Variants in FRMD6 observed in about 807,000 individuals in gnomAD.
FRMD6 encodes FERM domain containing 6, also known as FERM domain-containing protein 6.
Under a neutral mutation model 73.2 loss-of-function variants are expected in FRMD6, and 37 were observed. The observed-to-expected ratio is 0.51, with a 90% CI of 0.39 to 0.66. The LOEUF is 0.66. FRMD6 is among the 30% of genes least tolerant of loss of function. The pLI is 0.00. For missense variants in FRMD6, 714 were observed against 780.5 expected (o/e 0.91, Z 1.02); for synonymous variants, 273 against 282.2 (o/e 0.97, Z 0.33).
At chr14:51,541,035 C>T (rs1238427899) in intron 1 of FRMD6, among the ~76,000 whole-genome samples, 2 of 152,074 alleles carry the variant, frequency 1.3e-5, no homozygotes, top group African/African-American at 2.4e-5. Flanking sequence ...ATTAAAAGAA[C>T]AAAATTACAA....
At position 51,552,442 on chromosome 14, in the gene FRMD6, A is replaced by G. The variant is rs545088534; in HGVS notation, c.-209-17906A>G. ...GCCTTTGAATTCCCTGCCAGTAGGC[A>G]CAAACCCTGATGCCCCTAGGGGCTG... is the stretch of plus-strand genomic sequence containing the variant. On this transcript the variant is annotated intron_variant, in intron 1 of 14. Coordinates refer to the FRMD6 transcript ENST00000356218. 7.2e-5 allele frequency among the ~76,000 whole-genome samples: 11 copies of G among 152,362 alleles called. No homozygotes were observed. In the East Asian group the frequency reaches 1.9e-3, roughly 27 times the overall value.
In FRMD6 at chr14:51,535,139, C is replaced by G. The variant is rs183063344; in HGVS notation, c.-209-35209C>G. ...TGATTGAAATCAGGGAAACTCAGTACTCTCATGGCTTCCAGGGTCCTCAAA... is the reference window on the plus strand; with the variant it reads ...TGATTGAAATCAGGGAAACTCAGTAGTCTCATGGCTTCCAGGGTCCTCAAA... On this transcript the variant is annotated intron_variant, in intron 1 of 14. Transcript: ENST00000356218. Among the ~76,000 whole-genome samples the G allele has an allele frequency of 7.2e-5, 11 of 152,266 alleles. 1 individual carries two copies. The highest frequency in any genetic ancestry group is 6.8e-3 in the Middle Eastern group (2 of 294).
chr14:51,584,203 T>C (rs1023702488), intron 2 of FRMD6: 3 of 152,210 alleles, frequency 2.0e-5, no homozygotes, highest in African/African-American at 7.2e-5. Context: ...ACTCTTCTGA[T>C]TCATCATTTA....
At chr14:51,516,897 C>T (rs1022679455) in intron 1 of FRMD6, among the ~76,000 whole-genome samples, 38 of 152,124 alleles carry the variant, frequency 2.5e-4, no homozygotes, top group African/African-American at 8.4e-4. Context: ...CAGTTCCTTG[C>T]CTCTTTTAAT....
intron 2 of FRMD6, chr14:51,576,307 T>C (rs529454380): frequency 6.6e-6 from 1 of 152,300 alleles, no homozygotes; most frequent in East Asian, 1.9e-4. Flanking sequence ...AACAGGGAAT[T>C]GAAGTGGAAA....
the FRMD6 span, among the ~76,000 whole-genome samples, chr14:51,459,580 C>T: frequency 0.13 from 20,034 of 151,924 alleles, 1,436 homozygotes; most frequent in African/African-American, 0.19. Flanking sequence ...GTAATCCCAG[C>T]ACTTTGAGAG....
chr14:51,480,335 C>A, the FRMD6 span, among the ~76,000 whole-genome samples: 2 of 152,140 alleles, frequency 1.3e-5, no homozygotes, highest in East Asian at 1.9e-4. Flanking sequence ...GAAGTCACTG[C>A]AAATCTGAGA....
At chr14:51,719,041 A>G (rs1318980512) in intron 10 of FRMD6, among the ~76,000 whole-genome samples, 2 of 152,182 alleles carry the variant, frequency 1.3e-5, no homozygotes, top group Non-Finnish European at 2.9e-5. Flanking sequence ...ACATTCCCCA[A>G]ATGCACTCTC....
the FRMD6 span, among the ~76,000 whole-genome samples, chr14:51,452,387 G>A: frequency 6.6e-6 from 1 of 152,168 alleles, no homozygotes; most frequent in Non-Finnish European, 1.5e-5. Context: ...TTCAGTCCTG[G>A]GAAAATGGGA....
chr14:51,473,290 ATTTTAAAAG>A, the FRMD6 span, among the ~76,000 whole-genome samples: 1 of 152,154 alleles, frequency 6.6e-6, no homozygotes, highest in Non-Finnish European at 1.5e-5. Context: ...GGCCTATCTT[ATTTTAAAAG>A]GCCAGTAAAG....
At chr14:51,567,563 C>T (rs947248899) in intron 1 of FRMD6, among the ~76,000 whole-genome samples, 3 of 152,200 alleles carry the variant, frequency 2.0e-5, no homozygotes, top group Admixed American at 6.5e-5. Context: ...TGATCTCAAA[C>T]TCCAGGCCTC....
chr14:51,427,683 G>A, the FRMD6 span, among the ~76,000 whole-genome samples: 13 of 152,186 alleles, frequency 8.5e-5, no homozygotes, highest in South Asian at 6.2e-4. Context: ...TTTCCACTTC[G>A]TATAGAGATG....
chr14:51,525,848 G>T (rs1029225944), intron 1 of FRMD6, among the ~76,000 whole-genome samples: 2 of 152,090 alleles, frequency 1.3e-5, no homozygotes, highest in Non-Finnish European at 2.9e-5. Flanking sequence ...ACTTGAGGGG[G>T]TCCACTGTGA....
chr14:51,462,889 C>T, the FRMD6 span, among the ~76,000 whole-genome samples: 1 of 152,162 alleles, frequency 6.6e-6, no homozygotes, highest in East Asian at 1.9e-4. Flanking sequence ...TTCTAATCCT[C>T]TCTGTGCCAC....
rs553904104 is a variant in FRMD6 at position 51,704,649 on chromosome 14, G to C, written c.372-100G>C. 208 of 928,354 alleles carry C rather than the reference G, an allele frequency of 2.2e-4. No individual in the cohort carries two copies. The African/African-American group carries it at 3.0e-3, about 13-fold the overall frequency. The allele number at this position is 928,354 out of a possible 1,614,324, so 57.5% of individuals were successfully genotyped here. On this transcript the variant is annotated intron_variant, in intron 5 of 13. Transcript: ENST00000344768. ...GTGGGAGGGAGGAGCAGAAACAGAA[G>C]GGTTCCTGTCACCAGATGGAGAGAA...
the FRMD6 span, among the ~76,000 whole-genome samples, chr14:51,459,905 A>G: frequency 6.3e-5 from 1 of 15,894 alleles, no homozygotes; most frequent in African/African-American, 4.3e-4. Flanking sequence ...TTTTTTTTTT[A>G]CAAACTTCGG....
intron 1 of FRMD6, among the ~76,000 whole-genome samples, chr14:51,509,151 T>C (rs973001204): frequency 6.6e-6 from 1 of 152,196 alleles, no homozygotes; most frequent in Non-Finnish European, 1.5e-5. Flanking sequence ...GAAAAATCAA[T>C]CTTGATACTT....
intron 1 of FRMD6, among the ~76,000 whole-genome samples, chr14:51,680,049 A>G (rs1894691529): frequency 6.6e-6 from 1 of 152,214 alleles, no homozygotes; most frequent in Admixed American, 6.5e-5. Context: ...TGAGTTAACA[A>G]AGAACAAAAC....
chr14:51,542,568 G>T (rs2139379360), intron 1 of FRMD6, among the ~76,000 whole-genome samples: 1 of 152,020 alleles, frequency 6.6e-6, no homozygotes, highest in African/African-American at 2.4e-5. Context: ...TTTGTCTATT[G>T]TGAATAGTGC....
Sources: gnomAD v4.1 joint callset for allele counts (sites outside exome capture counted in the v4.1 genomes callset) on GRCh38, gnomAD v4.1.1 for gene constraint, MANE v1.5 for transcripts, NCBI Gene and HGNC (gene_info 2026-07-23, HGNC 2026-07-21) for gene names.